Variants in KCNQ5 observed in about 807,000 individuals in gnomAD.
KCNQ5 encodes potassium voltage-gated channel subfamily Q member 5.
KCNQ5 carries 30 observed loss-of-function variants against 98.2 expected under a neutral mutation model. That is an observed-to-expected ratio of 0.31 (90% CI 0.23 to 0.41). The LOEUF is 0.41. Among genes scored for constraint, KCNQ5 ranks in the 10% least tolerant of loss-of-function variants. The pLI is 1.00. For synonymous variants in KCNQ5, 458 were observed against 449.4 expected (o/e 1.02, Z -0.24); for missense variants, 835 against 1,182.5 (o/e 0.71, Z 4.31).
intron 1 of KCNQ5, among the ~76,000 whole-genome samples, chr6:72,649,013 TG>T: frequency 6.6e-6 from 1 of 152,014 alleles, no homozygotes; most frequent in Non-Finnish European, 1.5e-5. Context: ...CTCAAATGAG[TG>T]AAATTAGCTT....
At chr6:72,794,041 G>A (rs1472339347) in intron 1 of KCNQ5, among the ~76,000 whole-genome samples, 3 of 152,318 alleles carry the variant, frequency 2.0e-5, no homozygotes, top group South Asian at 4.1e-4. Flanking sequence ...AGAGCCTGAT[G>A]TATGGTAGTT....
chr6:73,030,893 A>T (rs992471183), intron 2 of KCNQ5, among the ~76,000 whole-genome samples: 1 of 152,198 alleles, frequency 6.6e-6, no homozygotes, highest in Non-Finnish European at 1.5e-5. Context: ...TTCCCCACTG[A>T]CAGCTCAACA....
chr6:72,703,232 C>T (rs1430072916), intron 1 of KCNQ5, among the ~76,000 whole-genome samples: 1 of 152,228 alleles, frequency 6.6e-6, no homozygotes, highest in Non-Finnish European at 1.5e-5. Flanking sequence ...TTGCAGCGTC[C>T]TGCCCTTCCC....
chr6:73,194,371 C>G, intron 13 of KCNQ5, 81 bp from the exon 14 acceptor site: 1 of 1,307,130 alleles, frequency 7.7e-7, no homozygotes, highest in Non-Finnish European at 1.1e-6. Context: ...CACACCTTGA[C>G]TTCATTTTTC....
At chr6:72,844,869 T>G (rs1462991706) in intron 1 of KCNQ5, among the ~76,000 whole-genome samples, 1 of 152,176 alleles carries the variant, frequency 6.6e-6, no homozygotes, top group Non-Finnish European at 1.5e-5. Context: ...ACACAACAAT[T>G]AAGGAAACAA....
intron 3 of KCNQ5, among the ~76,000 whole-genome samples, chr6:73,063,374 C>G (rs1772870830): frequency 6.6e-6 from 1 of 152,088 alleles, no homozygotes; most frequent in African/African-American, 2.4e-5. Context: ...GAATTCTGAT[C>G]CTGTTTCTGG....
intron 1 of KCNQ5, among the ~76,000 whole-genome samples, chr6:72,628,625 T>C (rs1024552681): frequency 7.2e-5 from 11 of 152,160 alleles, no homozygotes; most frequent in Non-Finnish European, 1.5e-4. Flanking sequence ...TTTTTGTTAG[T>C]TTGAGATGGA....
chr6:73,089,016 C>T (rs570373334), intron 5 of KCNQ5, among the ~76,000 whole-genome samples: 23 of 152,252 alleles, frequency 1.5e-4, no homozygotes, highest in African/African-American at 4.6e-4. Context: ...ACATTATGTA[C>T]TTTGCTTACA....
intron 1 of KCNQ5, among the ~76,000 whole-genome samples, chr6:72,916,600 T>C (rs527296210): frequency 6.6e-6 from 1 of 152,294 alleles, no homozygotes; most frequent in East Asian, 1.9e-4. Flanking sequence ...CCGCAGATCT[T>C]AGCAGTAAAA....
intron 2 of KCNQ5, among the ~76,000 whole-genome samples, chr6:73,022,553 G>A (rs1452042038): frequency 6.6e-6 from 1 of 152,028 alleles, no homozygotes; most frequent in Non-Finnish European, 1.5e-5. Flanking sequence ...AGGCTGCAGT[G>A]AGCTATGATC....
chr6:72,971,202 T>C (rs890269930), intron 1 of KCNQ5, among the ~76,000 whole-genome samples: 45 of 152,154 alleles, frequency 3.0e-4, no homozygotes, highest in African/African-American at 1.1e-3. Context: ...AACAGACACT[T>C]CTCAAAAGAA....
chr6:73,008,745 T>C (rs2150327551), intron 2 of KCNQ5, among the ~76,000 whole-genome samples: 1 of 152,162 alleles, frequency 6.6e-6, no homozygotes, highest in South Asian at 2.1e-4. Flanking sequence ...CTTAACACAA[T>C]AAACCAACTA....
intron 11 of KCNQ5, among the ~76,000 whole-genome samples, chr6:73,177,995 A>G (rs1778277369): frequency 6.6e-6 from 1 of 152,156 alleles, no homozygotes; most frequent in Non-Finnish European, 1.5e-5. Flanking sequence ...ATTTAAACTG[A>G]GTTTTCTATT....
intron 10 of KCNQ5, chr6:73,158,193 G>C (rs7742363): frequency 0.45 from 123,233 of 275,326 alleles, 30,024 homozygotes; most frequent in Middle Eastern, 0.55. Context: ...CGAGCACGGC[G>C]GCGGCGCCGG....
At chr6:73,082,107 A>G (rs944617342) in intron 5 of KCNQ5, among the ~76,000 whole-genome samples, 7 of 152,246 alleles carry the variant, frequency 4.6e-5, no homozygotes, top group Admixed American at 4.6e-4. Context: ...TAAATGGTCC[A>G]GCTGAAGAGA....
chr6:72,770,105 A>G (rs1582256670), intron 1 of KCNQ5, among the ~76,000 whole-genome samples: 1 of 152,140 alleles, frequency 6.6e-6, no homozygotes, highest in Non-Finnish European at 1.5e-5. Context: ...TAAATGGGAG[A>G]TATGGTTTTA....
intron 1 of KCNQ5, among the ~76,000 whole-genome samples, chr6:72,688,388 A>G (rs137942126): frequency 6.6e-6 from 1 of 152,260 alleles, no homozygotes; most frequent in East Asian, 1.9e-4. Context: ...CTTTATCTTT[A>G]TCCTTCTTCA....
intron 1 of KCNQ5, among the ~76,000 whole-genome samples, chr6:72,628,542 T>C (rs6937158): frequency 0.38 from 57,043 of 152,084 alleles, 12,332 homozygotes; most frequent in Middle Eastern, 0.5. Flanking sequence ...TCTTAACTAG[T>C]TGCTTTAACT....
chr6:72,987,866 T>C (rs1768873211), intron 1 of KCNQ5: 2 of 336,898 alleles, frequency 5.9e-6, no homozygotes, highest in Non-Finnish European at 5.6e-6. Flanking sequence ...CCTTGAGCAG[T>C]AGGATATAAA....
Sources: allele counts gnomAD v4.1 joint callset (sites outside exome capture counted in the v4.1 genomes callset), GRCh38; gene constraint gnomAD v4.1.1; transcripts MANE v1.5; gene names NCBI Gene and HGNC (gene_info 2026-07-23, HGNC 2026-07-21).